SPAG5: variants seen among roughly 807,000 people sequenced by gnomAD.
The protein encoded by SPAG5 is sperm-associated antigen 5.
Under a neutral mutation model 145.4 loss-of-function variants are expected in SPAG5, and 99 were observed. The observed-to-expected ratio is 0.68, with a 90% CI of 0.58 to 0.80. SPAG5 has a LOEUF of 0.80. SPAG5 is among the 30% of genes least tolerant of loss of function. The probability of loss-of-function intolerance (pLI) is 0.00; values close to 1 mark genes in which losing one functional copy is unlikely to be tolerated. For synonymous variants in SPAG5, 477 were observed against 525.4 expected (o/e 0.91, Z 1.26); for missense variants, 1,192 against 1,416.0 (o/e 0.84, Z 2.54).
At chr17:28,586,548 T>C (rs1454328092) in intron 4 of SPAG5, 49 bp from the exon 5 acceptor site, 7 of 1,485,072 alleles carry the variant, frequency 4.7e-6, no homozygotes, top group Non-Finnish European at 5.6e-6. Context: ...TTGTTTGTTT[T>C]TGAGACAGAG....
In SPAG5 at chr17:28,578,674, T is replaced by C; in HGVS notation, c.3196A>G (p.Ile1066Val). The change falls in exon 20 of 24, where the codon ATA becomes GTA. Residue 1066 changes from isoleucine (I) to valine (V), a missense_variant and splice_region_variant. By Grantham distance (29) the Ile-to-Val change is conservative. Transcript: ENST00000321765. Reference sequence around the variant, plus strand: ...CCTGGGCATGATGGTGAACATACTATGAGCTCGCCACTCTTGTCTATCTGT... The same window carrying C: ...CCTGGGCATGATGGTGAACATACTACGAGCTCGCCACTCTTGTCTATCTGT... ...LEQIDKSGELISLREEVTHLT... is the reference protein window; with the variant it reads ...LEQIDKSGELVSLREEVTHLT... The C allele has an allele frequency of 6.2e-7, 1 of 1,610,848 alleles. No homozygotes were observed. Among genetic ancestry groups the C allele is most frequent in the Non-Finnish European group, 8.5e-7 (1 of 1,176,958 alleles).
chr17:28,593,665 A>T (rs1047985114), intron 2 of SPAG5, among the ~76,000 whole-genome samples: 3 of 152,140 alleles, frequency 2.0e-5, no homozygotes, highest in African/African-American at 7.2e-5. Context: ...CAGAGGTTGC[A>T]GTGAGCCAAA....
In SPAG5 at chr17:28,578,221, G is replaced by T. The variant is rs1356240701; in HGVS notation, c.3426C>A (p.Ser1142Arg). Residue 1142 changes from serine to arginine, a missense_variant, in exon 22 of 24, where the codon AGC (serine) becomes AGA (arginine). Physicochemically the swap from Ser to Arg is moderately radical, Grantham distance 110. Transcript: ENST00000321765. ...GGAATGGCATGGACATTCTTACATG[G>T]CTCTGGAACTTGATCATGAGTTTTT... ...EKEKLMIKFQ[S>R]HRNILEENLR... 13 of 1,613,980 alleles carry T rather than the reference G, an allele frequency of 8.1e-6. No individual in the cohort carries two copies. Among genetic ancestry groups the T allele is most frequent in the African/African-American group, 1.3e-5 (1 of 74,900 alleles).
At chr17:28,596,021 TG>T (rs1277727311) in intron 2 of SPAG5, among the ~76,000 whole-genome samples, 1 of 151,766 alleles carries the variant, frequency 6.6e-6, no homozygotes, top group Non-Finnish European at 1.5e-5. Context: ...CACTCCAGCC[TG>T]GGTGACAGAG....
At position 28,583,823 on chromosome 17, in the gene SPAG5, G is replaced by T. The variant is rs774373380; in HGVS notation, c.2546+30C>A. ...TTCCTGAGAAAAAAATAAGCACTTA[G>T]GGGGAAGTACAGAAAGTTAGAGAAC... On this transcript the variant is annotated intron_variant, in intron 14 of 23. Coordinates refer to ENST00000321765, the MANE Select transcript of SPAG5 (RefSeq NM_006461.4). The T allele has an allele frequency of 6.3e-6, 10 of 1,594,188 alleles. 1 individual carries two copies. The Admixed American group carries it at 1.7e-4, about 28-fold the overall frequency.
rs751240805 is a variant in SPAG5 at position 28,579,739 on chromosome 17, G to GC, written c.2884+11dup. 17 of 1,611,098 alleles carry GC rather than the reference G, an allele frequency of 1.1e-5. No individual in the cohort carries two copies. The highest frequency in any genetic ancestry group is 1.4e-5 in the Non-Finnish European group (17 of 1,177,230). On this transcript the variant is annotated intron_variant, in intron 17 of 23. Coordinates refer to ENST00000321765, the MANE Select transcript of SPAG5 (RefSeq NM_006461.4). Reference sequence around the variant, plus strand: ...CTAGAAATGAGGCAGGATCCCTGGAGCCCCTCCTAACCTGCGGGCTGAAGG... The same window carrying GC: ...CTAGAAATGAGGCAGGATCCCTGGAGCCCCCTCCTAACCTGCGGGCTGAAGG...
chr17:28,597,042 G>A (rs1441992661), intron 2 of SPAG5, among the ~76,000 whole-genome samples: 2 of 151,802 alleles, frequency 1.3e-5, no homozygotes, highest in Non-Finnish European at 2.9e-5. Context: ...AGCCGAGATC[G>A]CGCCATTGGA....
At position 28,584,712 on chromosome 17, in the gene SPAG5, A is replaced by G; in HGVS notation, c.2101T>C (p.Leu701=). The G allele has an allele frequency of 6.2e-7, 1 of 1,614,040 alleles. No homozygotes were observed. Among genetic ancestry groups the G allele is most frequent in the Non-Finnish European group, 8.5e-7 (1 of 1,179,950 alleles). Residue 701 remains leucine (L), a synonymous_variant, in exon 11 of 24, where the codon TTA becomes CTA. Transcript: ENST00000321765. ...TCTGTTTGGCCTTTGCACTCCTCTA[A>G]CTGGGCAGAGACTTGTTCCAGCACC... is the stretch of plus-strand genomic sequence containing the variant. The part of the protein sequence containing the change: ...SRVLEQVSAQ[L]EECKGQTEQL...
At chr17:28,588,515 T>G (rs1371696758) in intron 4 of SPAG5, among the ~76,000 whole-genome samples, 1 of 152,198 alleles carries the variant, frequency 6.6e-6, no homozygotes, top group East Asian at 1.9e-4. Context: ...GTCATTACTT[T>G]GAGGATATTT....
rs1366056527 is a variant in SPAG5, at chr17:28,579,366, T to C, written c.3004A>G (p.Ile1002Val). ...EEAIRTLQRK[I>V]CELQARLQAQ... is the part of the protein sequence containing the mutation. The stretch of plus-strand genomic sequence containing the variant: ...TCACCAAAACTGCATCCCACTCACA[T>C]TTTTCGCTGCAGAGTCCTGATGGCT... The change falls in exon 18 of 24, where the codon ATT becomes GTT. Residue 1002 changes from isoleucine (I) to valine (V), a missense_variant and splice_region_variant. Physicochemically the swap from Ile to Val is conservative, Grantham distance 29 (BLOSUM62 3). Transcript: ENST00000321765. 1 of 1,613,870 alleles carries C rather than the reference T, an allele frequency of 6.2e-7. No individual in the cohort carries two copies. The highest frequency in any genetic ancestry group is 1.3e-5 in the African/African-American group (1 of 74,904).
chr17:28,577,923 G>A, intron 23 of SPAG5, 87 bp downstream of exon 23: 1 of 1,294,188 alleles, frequency 7.7e-7, no homozygotes, highest in Non-Finnish European at 1.1e-6. Context: ...AGCACAGGCT[G>A]GGAACCAGAT....
rs533782433 is a variant in SPAG5 at position 28,580,128 on chromosome 17, C to G, written c.2686-8G>C. ...AAGGGTCTCTTGTTCAGTCTAAGGG[C>G]AAAGAAGAAAAAATAGCTGCTGTTC... is the stretch of plus-strand genomic sequence containing the variant. On this transcript the variant is annotated splice_region_variant and splice_polypyrimidine_tract_variant and intron_variant, in intron 15 of 23. Transcript: ENST00000321765. The G allele has an allele frequency of 1.4e-5, 22 of 1,595,786 alleles. No homozygotes were observed. The Middle Eastern group carries it at 8.4e-4, about 61-fold the overall frequency.
intron 2 of SPAG5, among the ~76,000 whole-genome samples, chr17:28,594,582 G>A (rs1228230552): frequency 1.3e-5 from 2 of 151,594 alleles, no homozygotes; most frequent in East Asian, 2.0e-4. Context: ...GCAACAGAGC[G>A]AGACTCCGTC....
chr17:28,586,484 G>C lies in SPAG5; in HGVS notation c.1453C>G (p.Gln485Glu), dbSNP rs768491191. The C allele has an allele frequency of 1.9e-6, 3 of 1,613,450 alleles. No individual in the cohort carries two copies. The African/African-American group carries it at 4.0e-5, about 22-fold the overall frequency. ...ATCTCATGGCTCTCCTTAAGATGCT[G>C]AAGTTTATTAGTTATCTAGCCAGAA... ...TSHSGITNKL[Q>E]HLKESHEMGQ... The change falls in exon 5 of 24, where the codon CAG becomes GAG. Residue 485 changes from glutamine to glutamate, a missense_variant. Physicochemically the swap from Gln to Glu is conservative, Grantham distance 29. This residue lies in a region of SPAG5 where 709 missense variants were observed against 840.7 expected (regional missense o/e 0.84). Transcript: ENST00000321765.
chr17:28,584,145 C>CT lies in SPAG5; in HGVS notation c.2412+4dup. On this transcript the variant is annotated splice_donor_region_variant and intron_variant, in intron 13 of 23. Transcript: ENST00000321765. ...AGCTCCCTTGGCCCAAGCCATATTC[C>CT]TTACCTCCAAGGTCTCTTTCAGGTC... 6.2e-7 allele frequency: 1 copy of CT among 1,613,980 alleles called. No individual in the cohort carries two copies. The highest frequency in any genetic ancestry group is 1.1e-5 in the South Asian group (1 of 91,086).
At chr17:28,578,821 G>T in intron 19 of SPAG5, 69 bp from the exon 20 acceptor site, 1 of 1,281,646 alleles carries the variant, frequency 7.8e-7, no homozygotes, top group Non-Finnish European at 1.1e-6. Flanking sequence ...CCAGGAGGTA[G>T]GAGAGAGTGC....
chr17:28,579,572 G>A (rs544424121), intron 17 of SPAG5, 87 bp from the exon 18 acceptor site: 75 of 1,484,686 alleles, frequency 5.1e-5, no homozygotes, highest in African/African-American at 3.3e-4. Flanking sequence ...ACTCTTATCC[G>A]TGTTCCCCAC....
rs117827551 is a variant in SPAG5 at position 28,588,062 on chromosome 17, G to A, written c.1438-1563C>T. On this transcript the variant is annotated intron_variant, in intron 4 of 23. Transcript: ENST00000321765. ...TACTGAGGCAAGGCAGCCATCATCT[G>A]GGGGAAAAGTTACTACTGGAGCAGC... is the stretch of plus-strand genomic sequence containing the variant. Among the ~76,000 whole-genome samples, 746 of 152,280 alleles carry A rather than the reference G, an allele frequency of 4.9e-3. 2 individuals are homozygous for A. The highest frequency in any genetic ancestry group is 7.6e-3 in the Non-Finnish European group (517 of 68,022).
intron 14 of SPAG5, 87 bp from the exon 15 acceptor site, chr17:28,583,736 G>C: frequency 1.9e-6 from 3 of 1,541,904 alleles, no homozygotes; most frequent in Non-Finnish European, 2.6e-6. Flanking sequence ...TGCATTAAAG[G>C]AGAGAAACAA....
Sources: allele counts gnomAD v4.1 joint callset (sites outside exome capture counted in the v4.1 genomes callset), GRCh38; gene constraint gnomAD v4.1.1; regional missense constraint gnomAD v4.1.1; transcripts MANE v1.5; gene names NCBI Gene and HGNC (gene_info 2026-07-23, HGNC 2026-07-21).